Variants in ITGBL1 observed in about 807,000 individuals in gnomAD.
ITGBL1 encodes integrin beta-like protein 1.
A neutral mutation model predicts 68.5 loss-of-function variants in ITGBL1; 51 were observed. That is an observed-to-expected ratio of 0.74 (90% CI 0.59 to 0.94). ITGBL1 has a LOEUF of 0.94. Among genes scored for constraint, ITGBL1 ranks in the 40% least tolerant of loss-of-function variants. The pLI, the probability that ITGBL1 is intolerant of heterozygous loss-of-function variation, is 0.00. For missense variants in ITGBL1, 649 were observed against 647.4 expected (o/e 1.00, Z -0.03); for synonymous variants, 209 against 227.3 (o/e 0.92, Z 0.72).
chr13:101,586,668 T>C (rs755095032), intron 6 of ITGBL1, among the ~76,000 whole-genome samples: 3 of 152,232 alleles, frequency 2.0e-5, no homozygotes, highest in Non-Finnish European at 2.9e-5. Context: ...CTCCAGGTGA[T>C]GCAAATACAA....
chr13:101,461,348 A>C (rs2048315184), intron 2 of ITGBL1, among the ~76,000 whole-genome samples: 1 of 152,140 alleles, frequency 6.6e-6, no homozygotes, highest in African/African-American at 2.4e-5. Context: ...ATATTGTTAC[A>C]TCTGACCTTG....
chr13:101,685,060 T>C (rs1204521905), intron 7 of ITGBL1, among the ~76,000 whole-genome samples: 1 of 151,994 alleles, frequency 6.6e-6, no homozygotes, highest in African/African-American at 2.4e-5. Flanking sequence ...ACTCTGTTTT[T>C]AAAGTATTTC....
intron 7 of ITGBL1, among the ~76,000 whole-genome samples, chr13:101,611,901 G>A (rs9557712): frequency 0.57 from 86,434 of 151,984 alleles, 26,133 homozygotes; most frequent in East Asian, 0.69. Flanking sequence ...TAACTAGACA[G>A]ACTAAGATCT....
At chr13:101,502,764 C>G (rs1431103847) in intron 2 of ITGBL1, among the ~76,000 whole-genome samples, 1 of 152,092 alleles carries the variant, frequency 6.6e-6, no homozygotes, top group Non-Finnish European at 1.5e-5. Context: ...GGAAATGTTA[C>G]CAGTAAGAAT....
chr13:101,552,037 G>C (rs58031393), intron 2 of ITGBL1, among the ~76,000 whole-genome samples: 25,408 of 152,136 alleles, frequency 0.17, 2,284 homozygotes, highest in African/African-American at 0.21. Context: ...CTGTTTTCAT[G>C]CTCTTTCCTC....
intron 2 of ITGBL1, among the ~76,000 whole-genome samples, chr13:101,468,236 A>T (rs1484840658): frequency 6.6e-6 from 1 of 152,216 alleles, no homozygotes; most frequent in Non-Finnish European, 1.5e-5. Flanking sequence ...ACATGGAAAT[A>T]ATTCACTTGC....
At chr13:101,620,918 G>T (rs183273116) in intron 7 of ITGBL1, among the ~76,000 whole-genome samples, 21 of 152,244 alleles carry the variant, frequency 1.4e-4, no homozygotes, top group Admixed American at 1.2e-3. Context: ...TGCACCTGGG[G>T]CTGTACCCAA....
chr13:101,714,280 A>G, intron 9 of ITGBL1, 158 bp from the exon 10 acceptor site: 1 of 618,780 alleles, frequency 1.6e-6, no homozygotes, highest in South Asian at 1.9e-5. Flanking sequence ...GAATTACAGT[A>G]AGTAAAGCTC....
chr13:101,463,394 A>C (rs902709339), intron 2 of ITGBL1, among the ~76,000 whole-genome samples: 1 of 152,080 alleles, frequency 6.6e-6, no homozygotes, highest in Admixed American at 6.5e-5. Context: ...AACTCACTGC[A>C]CTGCCAGCCG....
intron 7 of ITGBL1, among the ~76,000 whole-genome samples, chr13:101,599,129 T>C (rs1194314800): frequency 6.6e-6 from 1 of 152,114 alleles, no homozygotes; most frequent in East Asian, 1.9e-4. Context: ...ATTGCCATTC[T>C]AACTGGTGTG....
chr13:101,634,402 A>G (rs1165083398), intron 7 of ITGBL1, among the ~76,000 whole-genome samples: 1 of 152,154 alleles, frequency 6.6e-6, no homozygotes, highest in Non-Finnish European at 1.5e-5. Context: ...GCAGAAAATG[A>G]AAGCTTCATA....
intron 7 of ITGBL1, among the ~76,000 whole-genome samples, chr13:101,606,085 A>ATGTATATATATGTGATATATATATATGC (rs2030830695): frequency 5.2e-3 from 1 of 194 alleles, no homozygotes; most frequent in African/African-American, 0.013. Flanking sequence ...TATATATGCT[A>ATGTATATATATGTGATATATATATATGC]TATATATATA....
chr13:101,493,418 A>G (rs1159547279), intron 2 of ITGBL1, among the ~76,000 whole-genome samples: 1 of 152,048 alleles, frequency 6.6e-6, no homozygotes, highest in African/African-American at 2.4e-5. Flanking sequence ...ACGATTCTCA[A>G]TATTGCAGTA....
At chr13:101,644,529 A>C (rs1472694048) in intron 7 of ITGBL1, among the ~76,000 whole-genome samples, 1 of 152,224 alleles carries the variant, frequency 6.6e-6, no homozygotes, top group East Asian at 1.9e-4. Context: ...GTGAGATTAC[A>C]GCAGGAAAAT....
intron 9 of ITGBL1, among the ~76,000 whole-genome samples, chr13:101,710,041 A>G (rs1483842360): frequency 6.6e-6 from 1 of 152,184 alleles, no homozygotes; most frequent in Non-Finnish European, 1.5e-5. Flanking sequence ...TTTCCTGAAA[A>G]CAAAACAAAA....
chr13:101,643,700 G>A (rs2032466431), intron 7 of ITGBL1, among the ~76,000 whole-genome samples: 1 of 152,106 alleles, frequency 6.6e-6, no homozygotes, highest in South Asian at 2.1e-4. Flanking sequence ...CAGGGTACAG[G>A]GGAGCAATTT....
intron 7 of ITGBL1, among the ~76,000 whole-genome samples, chr13:101,671,797 A>G (rs1401836614): frequency 5.9e-5 from 9 of 152,150 alleles, no homozygotes; most frequent in Admixed American, 5.9e-4. Flanking sequence ...ATTTGATCCT[A>G]TCAAAATTCA....
intron 2 of ITGBL1, among the ~76,000 whole-genome samples, chr13:101,497,947 G>A (rs999721104): frequency 3.3e-5 from 5 of 151,058 alleles, no homozygotes; most frequent in Non-Finnish European, 4.4e-5. Flanking sequence ...AGTTTAATAC[G>A]TCTACAGTTC....
At chr13:101,638,291 G>T (rs938843699) in intron 7 of ITGBL1, among the ~76,000 whole-genome samples, 1 of 152,154 alleles carries the variant, frequency 6.6e-6, no homozygotes, top group African/African-American at 2.4e-5. Context: ...ATGACAAGTT[G>T]CTGGTGCCCA....
Sources: gnomAD v4.1 joint callset for allele counts (sites outside exome capture counted in the v4.1 genomes callset) on GRCh38, gnomAD v4.1.1 for gene constraint, MANE v1.5 for transcripts, NCBI Gene and HGNC (gene_info 2026-07-23, HGNC 2026-07-21) for gene names.